F8: variants seen among roughly 807,000 people sequenced by gnomAD.
F8 encodes the protein coagulation factor VIII.
In F8, 12 loss-of-function variants were observed where a neutral mutation model predicts 140.6. That is an observed-to-expected ratio of 0.09 (90% CI 0.05 to 0.14). The LOEUF (loss-of-function observed/expected upper bound fraction) is 0.14. Among genes scored for constraint, F8 ranks in the 10% least tolerant of loss-of-function variants. The pLI, the probability that F8 is intolerant of heterozygous loss-of-function variation, is 1.00. For missense variants in F8, 1,354 were observed against 1,720.7 expected (o/e 0.79, Z 3.77); for synonymous variants, 585 against 614.6 (o/e 0.95, Z 0.71).
At chrX:154,880,868 C>G (rs1463466854) in intron 22 of F8, among the ~76,000 whole-genome samples, 2 of 111,052 alleles carry the variant, frequency 1.8e-5, no homozygotes, top group African/African-American at 6.6e-5. Flanking sequence ...TGGCACTACC[C>G]TTCAATATTT....
intron 14 of F8, among the ~76,000 whole-genome samples, chrX:154,911,289 G>C (rs2073066325): frequency 9.3e-6 from 1 of 107,705 alleles, no homozygotes; most frequent in Admixed American, 9.8e-5. Flanking sequence ...TCTCGTCACT[G>C]TGGGTGACGA....
In F8 at chrX:155,022,432, C is replaced by A. The variant is rs137852379; in HGVS notation, c.121G>T (p.Gly41Cys). The A allele has an allele frequency of 4.1e-5, 49 of 1,208,566 alleles. No individual in the cohort carries two copies. Among genetic ancestry groups the A allele is most frequent in the Non-Finnish European group, 2.1e-5 (19 of 894,955 alleles). ...TACCTTGCGTCCACAGGCAGCTCACCGAGATCACTTTGCATATAGTCCCAT... is the reference window on the plus strand; with the variant it reads ...TACCTTGCGTCCACAGGCAGCTCACAGAGATCACTTTGCATATAGTCCCAT... ...LSWDYMQSDLGELPVDARFPP... is the reference protein window; with the variant it reads ...LSWDYMQSDLCELPVDARFPP... The change falls in exon 1 of 26, where the codon GGT (glycine) becomes TGT (cysteine). Residue 41 changes from glycine to cysteine, a missense_variant. By Grantham distance (159) the Gly-to-Cys change is radical (BLOSUM62 -3). Around this residue, in one of 4 missense-constraint regions of F8, gnomAD observed 128 missense variants for 230.4 expected, o/e 0.56. Transcript: ENST00000360256.
chrX:154,867,185 T>C lies in F8; in HGVS notation c.6430-3958A>G, dbSNP rs148472657. On this transcript the variant is annotated intron_variant, in intron 22 of 25. Coordinates refer to ENST00000360256, the MANE Select transcript of F8 (RefSeq NM_000132.4). ...ACAGACTAACAACAAATAGGGATATTAAATCTAGTAATCAAAAACCTTCCA... is the reference window on the plus strand; with the variant it reads ...ACAGACTAACAACAAATAGGGATATCAAATCTAGTAATCAAAAACCTTCCA... Among the ~76,000 whole-genome samples the C allele has an allele frequency of 1.9e-3, 213 of 111,950 alleles. 1 individual carries two copies. Among genetic ancestry groups the C allele is most frequent in the Middle Eastern group, 0.014 (3 of 218 alleles).
intron 6 of F8, among the ~76,000 whole-genome samples, chrX:154,979,333 C>A (rs1259029885): frequency 9.0e-6 from 1 of 110,859 alleles, no homozygotes; most frequent in Non-Finnish European, 1.9e-5. Context: ...AGGAGGTGCT[C>A]AGGTGCCACC....
chrX:154,953,860 C>A (rs781987282), intron 12 of F8, 32 bp downstream of exon 12: 9 of 1,209,123 alleles, frequency 7.4e-6, no homozygotes, highest in Non-Finnish European at 1.0e-5. Flanking sequence ...CTTTATTCAC[C>A]ACCCACTGGA....
At chrX:154,861,979 G>C in intron 23 of F8, 113 bp from the exon 24 acceptor site, 1 of 903,652 alleles carries the variant, frequency 1.1e-6, no homozygotes, top group South Asian at 2.1e-5. Context: ...CATTTCTCAG[G>C]TTTTAACTTT....
chrX:154,943,865 C>T (rs1281904119), intron 13 of F8, among the ~76,000 whole-genome samples: 4 of 111,255 alleles, frequency 3.6e-5, no homozygotes, highest in Non-Finnish European at 7.5e-5. Context: ...AATAACGCCA[C>T]GCATCTACAA....
intron 1 of F8, among the ~76,000 whole-genome samples, chrX:155,020,812 T>C (rs992660446): frequency 8.9e-6 from 1 of 112,142 alleles, no homozygotes; most frequent in Non-Finnish European, 1.9e-5. Flanking sequence ...ACCTGTAAAA[T>C]TGGCAAATTT....
chrX:154,904,197 T>C, intron 17 of F8, 99 bp downstream of exon 17: 1 of 1,098,599 alleles, frequency 9.1e-7, no homozygotes, highest in Non-Finnish European at 1.3e-6. Context: ...ACAGATATAC[T>C]CTAAATAAAT....
intron 22 of F8, among the ~76,000 whole-genome samples, chrX:154,864,747 A>AAGAAAGAATTTGTAAACT (rs1454505084): frequency 1.8e-5 from 2 of 112,157 alleles, no homozygotes; most frequent in Non-Finnish European, 3.8e-5. Context: ...AATCATTCAG[A>AAGAAAGAATTTGTAAACT]AGAAAGAATT....
At chrX:154,863,341 C>T (rs782305855) in intron 22 of F8, 114 bp from the exon 23 acceptor site, 1 of 668,064 alleles carries the variant, frequency 1.5e-6, no homozygotes, top group Non-Finnish European at 2.4e-6. Flanking sequence ...CAGCATCCAA[C>T]ATCTACATAA....
chrX:154,869,488 T>G (rs1484838541), intron 22 of F8, among the ~76,000 whole-genome samples: 1 of 111,866 alleles, frequency 8.9e-6, no homozygotes, highest in East Asian at 2.8e-4. Flanking sequence ...AGATGTTCTT[T>G]GAAACCAATG....
At position 154,929,457 on chromosome X, in the gene F8, A is replaced by G. The variant is rs146153504; in HGVS notation, c.4333T>C (p.Ser1445Pro). The change falls in exon 14 of 26, where the codon TCT becomes CCT. Residue 1445 changes from serine to proline, a missense_variant. Ser to Pro is a moderately conservative substitution (Grantham distance 74). Around this residue, in one of 4 missense-constraint regions of F8, gnomAD observed 658 missense variants for 666.5 expected, o/e 0.99. Coordinates refer to ENST00000360256, the MANE Select transcript of F8 (RefSeq NM_000132.4). ...LPAASYRKKD[S>P]GVQESSHFLQ... ...AAATGACTGCTTTCTTGGACCCCAG[A>G]ATCTTTCTTTCTATAAGATGCTGCT... 278 of 1,209,895 alleles carry G rather than the reference A, an allele frequency of 2.3e-4. No individual in the cohort carries two copies. The African/African-American group carries it at 4.1e-3, about 18-fold the overall frequency.
intron 1 of F8, among the ~76,000 whole-genome samples, chrX:155,000,785 T>C (rs782501666): frequency 1.1e-4 from 12 of 112,249 alleles, no homozygotes; most frequent in Middle Eastern, 9.2e-3. Flanking sequence ...GCATGTCTTA[T>C]TGACTCTCAG....
intron 25 of F8, among the ~76,000 whole-genome samples, chrX:154,846,880 G>A (rs782612798): frequency 8.4e-4 from 94 of 112,002 alleles, no homozygotes; most frequent in African/African-American, 2.9e-3. Context: ...TCCTAGCATC[G>A]ATGGTCTTTA....
intron 22 of F8, chrX:154,886,382 CA>C: frequency 5.0e-6 from 1 of 201,340 alleles, no homozygotes; most frequent in Non-Finnish European, 5.7e-6. Flanking sequence ...AGCATGGCGG[CA>C]GCGGCTGCAG....
rs782500459 is a variant in F8 at position 155,003,916 on chromosome X, G to A, written c.144-4316C>T. Among the ~76,000 whole-genome samples, 419 of 98,939 alleles carry A rather than the reference G, an allele frequency of 4.2e-3. 3 individuals are homozygous for A. The highest frequency in any genetic ancestry group is 0.015 in the African/African-American group (386 of 26,277). 85.9% of individuals were successfully genotyped at this position (98,939 alleles called of 115,157 possible). ...GTGGAGCTTGCAGTGAGCCGAGTTC[G>A]CGCCACTGCACTCCAGCCTGGGTGA... On this transcript the variant is annotated intron_variant, in intron 1 of 25. Coordinates refer to ENST00000360256, the MANE Select transcript of F8 (RefSeq NM_000132.4).
intron 1 of F8, among the ~76,000 whole-genome samples, chrX:155,015,223 A>ACTAATG (rs2073728061): frequency 8.9e-6 from 1 of 112,302 alleles, no homozygotes. Flanking sequence ...AAACCTAAAT[A>ACTAATG]CTAATGCTAA....
chrX:154,899,995 G>A, intron 20 of F8, 44 bp from the exon 21 acceptor site: 1 of 1,075,492 alleles, frequency 9.3e-7, no homozygotes. Context: ...AGCTGGGTTA[G>A]TCCTAGACAC....
Sources: allele counts gnomAD v4.1 joint callset (sites outside exome capture counted in the v4.1 genomes callset), GRCh38; gene constraint gnomAD v4.1.1; regional missense constraint gnomAD v4.1.1; transcripts MANE v1.5; gene names NCBI Gene and HGNC (gene_info 2026-07-23, HGNC 2026-07-21).